The following CDCA7 variants were observed in gnomAD, a reference collection of about 807,000 sequenced individuals.
The protein encoded by CDCA7 is cell division cycle associated 7.
CDCA7 carries 28 observed loss-of-function variants against 54.0 expected under a neutral mutation model. The observed-to-expected ratio is 0.52, with a 90% CI of 0.38 to 0.71. The LOEUF is 0.71. Ranked by LOEUF, CDCA7 falls within the 30% of genes least tolerant of loss-of-function variation. The probability of loss-of-function intolerance (pLI) is 0.00; values close to 1 mark genes in which losing one functional copy is unlikely to be tolerated. For missense variants in CDCA7, 484 were observed against 586.0 expected (o/e 0.83, Z 1.80); for synonymous variants, 180 against 208.2 (o/e 0.86, Z 1.16).
chr2:173,365,725 G>T (rs748679296), intron 7 of CDCA7, 133 bp downstream of exon 7: 120 of 1,016,132 alleles, frequency 1.2e-4, no homozygotes, highest in Middle Eastern at 3.3e-4. Context: ...TTCACACAAG[G>T]AAGGAAAAGT....
At chr2:173,362,501 G>T (rs1687469075) in intron 3 of CDCA7, among the ~76,000 whole-genome samples, 1 of 151,264 alleles carries the variant, frequency 6.6e-6, no homozygotes, top group African/African-American at 2.4e-5. Flanking sequence ...TTAAAGTAGA[G>T]AATTGAGATC....
chr2:173,357,983 G>T (rs192472509), intron 1 of CDCA7, among the ~76,000 whole-genome samples: 1,826 of 152,110 alleles, frequency 0.012, 32 homozygotes, highest in African/African-American at 0.041. Flanking sequence ...GGCAGATCAC[G>T]AGGTCAGGAG....
chr2:173,359,171 A>G, intron 2 of CDCA7, 84 bp from the exon 3 acceptor site: 1 of 1,104,510 alleles, frequency 9.1e-7, no homozygotes, highest in Non-Finnish European at 1.3e-6. Context: ...TGTAAATGTG[A>G]TTTGCTCTCT....
chr2:173,360,161 C>T (rs904877627), intron 3 of CDCA7, among the ~76,000 whole-genome samples: 1 of 152,196 alleles, frequency 6.6e-6, no homozygotes, highest in African/African-American at 2.4e-5. Flanking sequence ...CTTCAACTCA[C>T]TGGTCTGACA....
At chr2:173,355,778 A>G (rs1686490784) in intron 1 of CDCA7, among the ~76,000 whole-genome samples, 1 of 147,766 alleles carries the variant, frequency 6.8e-6, no homozygotes, top group East Asian at 2.0e-4. Flanking sequence ...GGGCTCCTGG[A>G]GAGGGTAGAA....
At chr2:173,367,383 GCGGGGTGGAGACTGACTGGAA>G in intron 9 of CDCA7, 97 bp downstream of exon 9, 1 of 1,548,654 alleles carries the variant, frequency 6.5e-7, no homozygotes, top group South Asian at 1.1e-5. Flanking sequence ...GTTATCTCTG[GCGGGGTGGAGACTGACTGGAA>G]CGGGGCACAC....
chr2:173,366,167 A>G lies in CDCA7; in HGVS notation c.1036-116A>G. On this transcript the variant is annotated intron_variant, in intron 7 of 9. Coordinates refer to ENST00000306721, the MANE Select transcript of CDCA7 (RefSeq NM_031942.5). The surrounding 1 kb of genome is among the most constrained non-coding windows in gnomAD (Gnocchi z 4.5). ...CTGGCATATACATGTGTATGTAGAG[A>G]TTCATAGACAAAATGTAAGCCTATA... 1 of 1,220,170 alleles carries G rather than the reference A, an allele frequency of 8.2e-7. No homozygotes were observed. Among genetic ancestry groups the G allele is most frequent in the South Asian group, 1.5e-5 (1 of 65,806 alleles). The allele number at this position is 1,220,170 out of a possible 1,614,324, so 75.6% of individuals were successfully genotyped here.
intron 1 of CDCA7, among the ~76,000 whole-genome samples, chr2:173,357,734 A>AG (rs1225631285): frequency 1.1e-4 from 17 of 152,186 alleles, no homozygotes; most frequent in Non-Finnish European, 1.8e-4. Context: ...TTTTAAAAAA[A>AG]CAGGTTGGAT....
At chr2:173,364,504 A>G (rs959509934) in intron 5 of CDCA7, 3 of 238,808 alleles carry the variant, frequency 1.3e-5, no homozygotes, top group African/African-American at 6.9e-5. Flanking sequence ...ACATCAGAGA[A>G]AATTTTTTTT....
At chr2:173,355,109 G>A in intron 1 of CDCA7, 125 bp downstream of exon 1, 1 of 1,094,402 alleles carries the variant, frequency 9.1e-7, no homozygotes, top group Non-Finnish European at 1.2e-6. Context: ...CCTAGGCGTT[G>A]CCCGCTTGGG....
At chr2:173,358,634 C>G in intron 1 of CDCA7, 78 bp from the exon 2 acceptor site, 3 of 1,516,426 alleles carry the variant, frequency 2.0e-6, no homozygotes, top group Non-Finnish European at 2.7e-6. Context: ...TTTGAACCTA[C>G]TAAACTAAAA....
intron 1 of CDCA7, among the ~76,000 whole-genome samples, chr2:173,355,392 G>A (rs1436529161): frequency 3.9e-5 from 6 of 152,082 alleles, no homozygotes; most frequent in Non-Finnish European, 1.5e-5. Context: ...ACACAACTCG[G>A]AGCCAGTGCG....
At position 173,366,450 on chromosome 2, in the gene CDCA7, GT is replaced by G. The variant is rs1558951274; in HGVS notation, c.1185+20del. The G allele has an allele frequency of 1.2e-5, 20 of 1,612,808 alleles. No individual in the cohort carries two copies. Among genetic ancestry groups the G allele is most frequent in the Non-Finnish European group, 1.6e-5 (19 of 1,179,180 alleles). On this transcript the variant is annotated intron_variant, in intron 8 of 9. Transcript: ENST00000306721. The surrounding 1 kb of genome is among the most constrained non-coding windows in gnomAD (Gnocchi z 4.5). ...TGGATCCGGTAGGTGCCTGCCAGGG[GT>G]TGGTCCTGTGGGCTTGAAGGTCAGC...
At chr2:173,367,100 G>C (rs376004777) in intron 8 of CDCA7, 50 bp from the exon 9 acceptor site, 2 of 1,532,810 alleles carry the variant, frequency 1.3e-6, no homozygotes, top group South Asian at 1.3e-5. Context: ...ATAAGTTGGT[G>C]GGGGAGGTAA....
At chr2:173,367,431 A>G (rs1033869025) in intron 9 of CDCA7, 145 bp downstream of exon 9, 3 of 1,393,378 alleles carry the variant, frequency 2.2e-6, no homozygotes, top group African/African-American at 2.9e-5. Flanking sequence ...GGATGGGAAC[A>G]TTTTCTGTCT....
intron 1 of CDCA7, among the ~76,000 whole-genome samples, chr2:173,355,235 G>A (rs1227430650): frequency 6.6e-6 from 1 of 152,234 alleles, no homozygotes; most frequent in African/African-American, 2.4e-5. Context: ...AGGATGGCTA[G>A]CAGCGCTGGA....
chr2:173,367,507 A>G, intron 9 of CDCA7, 127 bp from the exon 10 acceptor site: 1 of 1,309,590 alleles, frequency 7.6e-7, no homozygotes, highest in Middle Eastern at 2.1e-4. Flanking sequence ...ATACTTGAAG[A>G]TGCGCACACT....
chr2:173,366,343 C>G lies in CDCA7; in HGVS notation c.1096C>G (p.Pro366Ala), dbSNP rs1366332447. 1 of 1,614,002 alleles carries G rather than the reference C, an allele frequency of 6.2e-7. No individual in the cohort carries two copies. The highest frequency in any genetic ancestry group is 1.1e-5 in the South Asian group (1 of 91,068). Reference protein sequence around the residue: ...TIDTKTNCRNPDCWGVRGQFC... With the variant: ...TIDTKTNCRNADCWGVRGQFC... The stretch of plus-strand genomic sequence containing the variant: ...TGATACCAAAACAAACTGCAGAAAC[C>G]CAGACTGCTGGGGCGTTCGAGGCCA... Residue 366 changes from proline (P) to alanine (A), a missense_variant, in exon 8 of 10, where the codon CCA (proline) becomes GCA (alanine). By Grantham distance (27) the Pro-to-Ala change is conservative. Transcript: ENST00000306721. The surrounding 1 kb of genome is among the most constrained non-coding windows in gnomAD (Gnocchi z 4.5).
In CDCA7 at chr2:173,366,570, C is replaced by A. The variant is rs1204020909; in HGVS notation, c.1185+138C>A. 8.5e-7 allele frequency: 1 copy of A among 1,173,456 alleles called. No individual in the cohort carries two copies. The highest frequency in any genetic ancestry group is 1.2e-6 in the Non-Finnish European group (1 of 851,650). The allele number at this position is 1,173,456 out of a possible 1,614,324, so 72.7% of individuals were successfully genotyped here. A position where few individuals can be genotyped will look rare whatever the true frequency, so the allele number is the denominator to read the frequency against. ...CTTCTTTTTTTTTAAGATGGAGTCTCATTCTGTCGCCAGGCTGCAGTGCAG... is the reference window on the plus strand; with the variant it reads ...CTTCTTTTTTTTTAAGATGGAGTCTAATTCTGTCGCCAGGCTGCAGTGCAG... On this transcript the variant is annotated intron_variant, in intron 8 of 9. Coordinates refer to ENST00000306721, the MANE Select transcript of CDCA7 (RefSeq NM_031942.5). This position sits in a 1 kb window ranked among gnomAD's most constrained non-coding sequence, Gnocchi z 4.5.
Sources: allele counts gnomAD v4.1 joint callset (sites outside exome capture counted in the v4.1 genomes callset), GRCh38; gene constraint gnomAD v4.1.1; non-coding constraint Gnocchi (gnomAD v3.1); transcripts MANE v1.5; gene names NCBI Gene and HGNC (gene_info 2026-07-23, HGNC 2026-07-21).